Variants in GPR158 observed in about 807,000 individuals in gnomAD.
GPR158 encodes G protein-coupled receptor 158.
Under a neutral mutation model 78.2 loss-of-function variants are expected in GPR158, and 30 were observed. The ratio of observed to expected loss-of-function variants is 0.38; its 90% CI spans 0.29 to 0.52. The LOEUF (loss-of-function observed/expected upper bound fraction) is 0.52, where lower values mean the gene tolerates loss of function less well. Among genes scored for constraint, GPR158 ranks in the 20% least tolerant of loss-of-function variants. The pLI is 0.83. For synonymous variants in GPR158, 581 were observed against 591.1 expected (o/e 0.98, Z 0.25); for missense variants, 1,463 against 1,523.5 (o/e 0.96, Z 0.66).
intron 4 of GPR158, among the ~76,000 whole-genome samples, chr10:25,463,375 A>G (rs987942283): frequency 5.9e-5 from 9 of 151,584 alleles, no homozygotes; most frequent in African/African-American, 2.2e-4. Context: ...AACCAAACCC[A>G]AAATATTTCT....
chr10:25,325,183 C>T (rs1855012393), intron 2 of GPR158, among the ~76,000 whole-genome samples: 1 of 151,986 alleles, frequency 6.6e-6, no homozygotes, highest in African/African-American at 2.4e-5. Flanking sequence ...ATCTCCACAT[C>T]AGAAGAAAAG....
chr10:25,277,720 AC>A (rs948747859), intron 2 of GPR158, among the ~76,000 whole-genome samples: 6 of 152,228 alleles, frequency 3.9e-5, no homozygotes, highest in Non-Finnish European at 7.4e-5. Context: ...CTAAACCTGG[AC>A]CCTCAAAGGG....
At chr10:25,212,627 CTTTTTTTTTTT>C (rs10642944) in intron 1 of GPR158, among the ~76,000 whole-genome samples, 1 of 78,578 alleles carries the variant, frequency 1.3e-5, no homozygotes, top group Non-Finnish European at 2.3e-5. Context: ...GAATTTATAG[CTTTTTTTTTTT>C]TTTTTTTTTT....
chr10:25,245,107 G>A (rs550978899), intron 2 of GPR158, among the ~76,000 whole-genome samples: 7 of 152,196 alleles, frequency 4.6e-5, no homozygotes, highest in African/African-American at 7.2e-5. Context: ...TACTAATTTC[G>A]TCCATTGCTC....
chr10:25,582,328 T>C (rs144781952), intron 7 of GPR158, among the ~76,000 whole-genome samples: 13 of 152,264 alleles, frequency 8.5e-5, no homozygotes, highest in Non-Finnish European at 1.8e-4. Context: ...ATCCATAAGC[T>C]CTGAGGTAGC....
chr10:25,562,620 C>T (rs960067724), intron 6 of GPR158, among the ~76,000 whole-genome samples: 15 of 152,258 alleles, frequency 9.9e-5, no homozygotes, highest in African/African-American at 3.1e-4. Flanking sequence ...ATTCAGTTCA[C>T]TGTGGTCAGA....
intron 4 of GPR158, among the ~76,000 whole-genome samples, chr10:25,434,604 G>T (rs921680863): frequency 1.3e-5 from 2 of 152,160 alleles, no homozygotes; most frequent in African/African-American, 4.8e-5. Context: ...TGAAAATGAT[G>T]TTGATACTTG....
At chr10:25,453,563 TATTA>T (rs1324042273) in intron 4 of GPR158, among the ~76,000 whole-genome samples, 2 of 152,204 alleles carry the variant, frequency 1.3e-5, no homozygotes, top group African/African-American at 2.4e-5. Context: ...TTAATATTCT[TATTA>T]ATTCCAATTA....
intron 2 of GPR158, among the ~76,000 whole-genome samples, chr10:25,334,920 G>A (rs574363799): frequency 2.0e-5 from 3 of 152,092 alleles, no homozygotes; most frequent in East Asian, 1.9e-4. Context: ...TAATATGCAG[G>A]TGAGGGAATG....
intron 2 of GPR158, among the ~76,000 whole-genome samples, chr10:25,325,044 A>C (rs1360785396): frequency 1.3e-5 from 2 of 151,762 alleles, no homozygotes; most frequent in South Asian, 4.2e-4. Flanking sequence ...GGGTCTTGCT[A>C]TATTACCCAA....
intron 1 of GPR158, among the ~76,000 whole-genome samples, chr10:25,214,184 C>T (rs577320892): frequency 4.6e-5 from 7 of 152,032 alleles, no homozygotes; most frequent in South Asian, 4.1e-4. Flanking sequence ...TTAGTAGAGA[C>T]GGGGTTTCAC....
rs751903653 is a variant in GPR158 at position 25,540,847 on chromosome 10, C to T, written c.1405-10129C>T. On this transcript the variant is annotated intron_variant, in intron 5 of 10. Coordinates refer to ENST00000376351, the MANE Select transcript of GPR158 (RefSeq NM_020752.3). ...TAAGAGATATACCTAATATAAATGA[C>T]GAGTTAATGGGTGCAGCACACCAAC... Among the ~76,000 whole-genome samples, 70 of 151,172 alleles carry T rather than the reference C, an allele frequency of 4.6e-4. 2 individuals are homozygous for T. The highest frequency in any genetic ancestry group is 1.6e-3 in the African/African-American group (66 of 41,194).
chr10:25,425,343 C>G (rs748375730), intron 4 of GPR158, among the ~76,000 whole-genome samples: 10 of 151,930 alleles, frequency 6.6e-5, no homozygotes, highest in Non-Finnish European at 1.3e-4. Context: ...ATGCCAATGT[C>G]TATTATTTTT....
rs372998487 is a variant in GPR158, at chr10:25,245,577, ACAT to A, written c.1008+24424_1008+24426del. Among the ~76,000 whole-genome samples, 70 of 152,222 alleles carry A rather than the reference ACAT, an allele frequency of 4.6e-4. No individual in the cohort carries two copies. In the East Asian group the frequency reaches 7.9e-3, roughly 17 times the overall value. ...CTGTGATTCTCAACCTTGATTTGTG[ACAT>A]CATTGACAATCTCCAAGATTGTGGT... is the stretch of plus-strand genomic sequence containing the variant. On this transcript the variant is annotated intron_variant, in intron 2 of 10. Transcript: ENST00000376351.
chr10:25,421,809 T>G (rs1421988206), intron 4 of GPR158, among the ~76,000 whole-genome samples: 1 of 152,188 alleles, frequency 6.6e-6, no homozygotes, highest in African/African-American at 2.4e-5. Flanking sequence ...CCTTCCCAGT[T>G]TATTAAAATT....
chr10:25,585,486 G>C lies in GPR158; in HGVS notation c.1754-3521G>C, dbSNP rs574291158. On this transcript the variant is annotated intron_variant, in intron 7 of 10. Coordinates refer to ENST00000376351, the MANE Select transcript of GPR158 (RefSeq NM_020752.3). ...TGGGTGGTATTCTCTGCATTGTGCTGTATACGTAAAAACTATAAAGATACT... is the reference window on the plus strand; with the variant it reads ...TGGGTGGTATTCTCTGCATTGTGCTCTATACGTAAAAACTATAAAGATACT... Among the ~76,000 whole-genome samples, 7 of 152,306 alleles carry C rather than the reference G, an allele frequency of 4.6e-5. No individual in the cohort carries two copies. In the East Asian group the frequency reaches 1.4e-3, roughly 29 times the overall value.
intron 1 of GPR158, among the ~76,000 whole-genome samples, chr10:25,195,196 T>C (rs929738202): frequency 1.5e-4 from 23 of 151,416 alleles, no homozygotes; most frequent in Admixed American, 1.3e-3. Flanking sequence ...TAAGATCAAC[T>C]TTTTCTTTCT....
At chr10:25,523,731 A>C (rs569684074) in intron 5 of GPR158, among the ~76,000 whole-genome samples, 2 of 152,330 alleles carry the variant, frequency 1.3e-5, no homozygotes, top group East Asian at 3.9e-4. Context: ...CCTAGCAGAC[A>C]TCTGTAGAAT....
At chr10:25,181,286 G>A (rs954091072) in intron 1 of GPR158, among the ~76,000 whole-genome samples, 2 of 152,186 alleles carry the variant, frequency 1.3e-5, no homozygotes, top group Non-Finnish European at 2.9e-5. Context: ...GAAGAGTAAT[G>A]TGAATCTCCT....
Sources: allele counts gnomAD v4.1 joint callset (sites outside exome capture counted in the v4.1 genomes callset), GRCh38; gene constraint gnomAD v4.1.1; transcripts MANE v1.5; gene names NCBI Gene and HGNC (gene_info 2026-07-23, HGNC 2026-07-21).